The following TYR variants were observed in gnomAD, a reference collection of about 807,000 sequenced individuals.
The protein encoded by TYR is LB24-AB.
A neutral mutation model predicts 51.5 loss-of-function variants in TYR; 58 were observed. The observed-to-expected ratio is 1.13, with a 90% confidence interval of 0.91 to 1.40. TYR has a LOEUF of 1.40. TYR is among the 40% of genes most tolerant of loss of function. The pLI, the probability that TYR is intolerant of heterozygous loss-of-function variation, is 0.00. For missense variants in TYR, 732 were observed against 647.4 expected (o/e 1.13, Z -1.42); for synonymous variants, 263 against 235.2 (o/e 1.12, Z -1.08).
chr11:89,290,556 C>T (rs1944842963), intron 4 of TYR, among the ~76,000 whole-genome samples: 1 of 151,910 alleles, frequency 6.6e-6, no homozygotes, highest in Admixed American at 6.6e-5. Context: ...GTCCCATTTT[C>T]AAAATAATTT....
intron 3 of TYR, among the ~76,000 whole-genome samples, chr11:89,262,736 G>C (rs1283855859): frequency 2.2e-5 from 3 of 137,888 alleles, no homozygotes; most frequent in African/African-American, 8.2e-5. Context: ...ACTGATACTA[G>C]ATAAAGTAGA....
intron 2 of TYR, among the ~76,000 whole-genome samples, chr11:89,192,919 C>T (rs1430511615): frequency 6.6e-6 from 1 of 152,086 alleles, no homozygotes; most frequent in Non-Finnish European, 1.5e-5. Context: ...AGATAATCTG[C>T]CCCCAGCTTT....
intron 2 of TYR, among the ~76,000 whole-genome samples, chr11:89,207,997 G>A (rs7924785): frequency 2.0e-5 from 3 of 152,124 alleles, no homozygotes; most frequent in Admixed American, 6.5e-5. Flanking sequence ...GGCCAGGGGC[G>A]GTGGCTCACG....
intron 3 of TYR, among the ~76,000 whole-genome samples, chr11:89,253,641 T>A (rs1243528513): frequency 6.6e-6 from 1 of 151,876 alleles, no homozygotes; most frequent in Non-Finnish European, 1.5e-5. Flanking sequence ...GCTGTTGGTG[T>A]ATAGCAGAGC....
At chr11:89,294,228 C>T (rs1379120768) in intron 4 of TYR, 3 of 152,512 alleles carry the variant, frequency 2.0e-5, no homozygotes, top group African/African-American at 7.2e-5. Context: ...ACTTTTTTAC[C>T]CTTTTCATTC....
intron 2 of TYR, among the ~76,000 whole-genome samples, chr11:89,193,233 C>T (rs1040301585): frequency 2.0e-5 from 3 of 152,026 alleles, no homozygotes; most frequent in Admixed American, 1.3e-4. Flanking sequence ...GCTGTTTTTT[C>T]AGCCATAAGT....
chr11:89,229,565 A>G (rs963893784), intron 3 of TYR, among the ~76,000 whole-genome samples: 1 of 151,824 alleles, frequency 6.6e-6, no homozygotes, highest in South Asian at 2.1e-4. Flanking sequence ...TAGGCAAAAA[A>G]AAAGAAAAAG....
At chr11:89,291,048 T>A (rs959440749) in intron 4 of TYR, among the ~76,000 whole-genome samples, 5 of 152,026 alleles carry the variant, frequency 3.3e-5, no homozygotes, top group Admixed American at 1.3e-4. Flanking sequence ...CCTTAACTGC[T>A]ACGTGCCTTA....
At chr11:89,247,655 ATTGT>A (rs1275924673) in intron 3 of TYR, among the ~76,000 whole-genome samples, 2 of 152,208 alleles carry the variant, frequency 1.3e-5, no homozygotes, top group Non-Finnish European at 2.9e-5. Context: ...CATAATTCAA[ATTGT>A]TTATTTTACA....
intron 2 of TYR, among the ~76,000 whole-genome samples, chr11:89,211,930 T>G (rs910155646): frequency 1.3e-5 from 2 of 152,208 alleles, no homozygotes; most frequent in Non-Finnish European, 2.9e-5. Context: ...CCAGAATCTC[T>G]GGGACACATT....
chr11:89,222,255 A>T lies in TYR; in HGVS notation c.1037-5568A>T, dbSNP rs560243969. 1.7e-4 allele frequency among the ~76,000 whole-genome samples: 26 copies of T among 152,236 alleles called. No homozygotes were observed. In the East Asian group the frequency reaches 4.8e-3, roughly 28 times the overall value. On this transcript the variant is annotated intron_variant, in intron 2 of 4. Transcript: ENST00000263321. ...GTCCAGCTTAATTCAGTGCAGTGCA[A>T]CCCTGGTCACATGTTAGAACGACCC...
chr11:89,214,270 CAT>C (rs1255451406), intron 2 of TYR, among the ~76,000 whole-genome samples: 3 of 152,138 alleles, frequency 2.0e-5, no homozygotes, highest in African/African-American at 4.8e-5. Context: ...AGCAAATAGA[CAT>C]ATGAAAAAAT....
At chr11:89,239,665 T>C (rs79254894) in intron 3 of TYR, among the ~76,000 whole-genome samples, 1 of 152,116 alleles carries the variant, frequency 6.6e-6, no homozygotes. Context: ...TTTTTGTTAA[T>C]GTAGGCATTT....
intron 3 of TYR, among the ~76,000 whole-genome samples, chr11:89,253,718 C>A (rs1330306646): frequency 1.3e-5 from 2 of 151,564 alleles, no homozygotes; most frequent in African/African-American, 4.8e-5. Flanking sequence ...ATTCTAGGAG[C>A]TTTTTGGAAG....
chr11:89,180,738 G>A (rs1943290374), intron 1 of TYR, among the ~76,000 whole-genome samples: 2 of 152,154 alleles, frequency 1.3e-5, no homozygotes, highest in African/African-American at 2.4e-5. Context: ...AAGGTGAAAT[G>A]AGCATTTGCT....
chr11:89,287,691 A>T (rs1944806417), intron 4 of TYR, among the ~76,000 whole-genome samples: 1 of 151,998 alleles, frequency 6.6e-6, no homozygotes, highest in Non-Finnish European at 1.5e-5. Context: ...AGAATAATGC[A>T]AGCCACTGAT....
At chr11:89,179,102 GTGAA>G (rs1339635754) in intron 1 of TYR, among the ~76,000 whole-genome samples, 1 of 152,076 alleles carries the variant, frequency 6.6e-6, no homozygotes, top group East Asian at 1.9e-4. Flanking sequence ...GAATAAATGA[GTGAA>G]TGAATGAATA....
At chr11:89,268,081 C>A (rs1944547036) in intron 3 of TYR, among the ~76,000 whole-genome samples, 1 of 151,996 alleles carries the variant, frequency 6.6e-6, no homozygotes, top group Non-Finnish European at 1.5e-5. Context: ...TTCACACTTA[C>A]TGGCTGTGTA....
intron 3 of TYR, among the ~76,000 whole-genome samples, chr11:89,244,616 T>C (rs534877706): frequency 1.3e-5 from 2 of 152,136 alleles, no homozygotes; most frequent in Non-Finnish European, 2.9e-5. Context: ...AAGAGGAAAG[T>C]AAAAGGTTGG....
Sources: gnomAD v4.1 joint callset for allele counts (sites outside exome capture counted in the v4.1 genomes callset) on GRCh38, gnomAD v4.1.1 for gene constraint, MANE v1.5 for transcripts, NCBI Gene and HGNC (gene_info 2026-07-23, HGNC 2026-07-21) for gene names.